TATDN3: variants seen among roughly 807,000 people sequenced by gnomAD.
TATDN3 encodes TatD DNase domain containing 3.
TATDN3 carries 29 observed loss-of-function variants against 40.1 expected under a neutral mutation model. That is an observed-to-expected ratio of 0.72 (90% CI 0.54 to 0.99). The LOEUF (loss-of-function observed/expected upper bound fraction) is 0.99, where lower values mean the gene tolerates loss of function less well. TATDN3 is among the 50% of genes least tolerant of loss of function. TATDN3 has a pLI of 0.00. For missense variants in TATDN3, 309 were observed against 321.9 expected, an observed-to-expected ratio of 0.96 and a Z score of 0.31; for synonymous variants, 105 against 117.0, an observed-to-expected ratio of 0.90 and a Z score of 0.66.
intron 1 of TATDN3, among the ~76,000 whole-genome samples, chr1:212,793,685 TAGAG>T (rs532076594): frequency 6.6e-6 from 1 of 152,126 alleles, no homozygotes; most frequent in African/African-American, 2.4e-5. Flanking sequence ...AGATACATTT[TAGAG>T]AGAGAATCCA....
At chr1:212,805,236 A>G (rs1253054341) in intron 7 of TATDN3, among the ~76,000 whole-genome samples, 1 of 150,170 alleles carries the variant, frequency 6.7e-6, no homozygotes, top group Non-Finnish European at 1.5e-5. Flanking sequence ...TGCTGAGATT[A>G]CAGGATGAGC....
At chr1:212,798,000 T>C (rs1452177182) in intron 4 of TATDN3, among the ~76,000 whole-genome samples, 1 of 152,150 alleles carries the variant, frequency 6.6e-6, no homozygotes, top group Non-Finnish European at 1.5e-5. Context: ...TTTTGTTACC[T>C]ATGAATAAAT....
intron 4 of TATDN3, among the ~76,000 whole-genome samples, chr1:212,802,361 C>G (rs1458052556): frequency 1.3e-5 from 2 of 152,148 alleles, no homozygotes; most frequent in African/African-American, 4.8e-5. Flanking sequence ...GAGATGACTC[C>G]CTGGTGGTTT....
chr1:212,805,519 G>A (rs191157515), intron 7 of TATDN3, among the ~76,000 whole-genome samples: 1 of 152,286 alleles, frequency 6.6e-6, no homozygotes. Context: ...GCCTCCCAAA[G>A]TGCTGGGATT....
chr1:212,802,448 C>T (rs1352120066), intron 4 of TATDN3, among the ~76,000 whole-genome samples: 1 of 152,140 alleles, frequency 6.6e-6, no homozygotes, highest in Non-Finnish European at 1.5e-5. Context: ...AACAGAAGGC[C>T]ATGTTTAAGT....
At position 212,807,820 on chromosome 1, in the gene TATDN3, T is replaced by A. The variant is rs1464449869; in HGVS notation, c.572T>A (p.Ile191Asn). 1 of 1,613,246 alleles carries A rather than the reference T, an allele frequency of 6.2e-7. No homozygotes were observed. The highest frequency in any genetic ancestry group is 8.5e-7 in the Non-Finnish European group (1 of 1,179,732). Residue 191 changes from isoleucine (I) to asparagine (N), a missense_variant, in exon 8 of 10, where the codon ATT becomes AAT. Ile to Asn is a moderately radical substitution (Grantham distance 149, BLOSUM62 -3). Coordinates refer to ENST00000366974, the MANE Select transcript of TATDN3 (RefSeq NM_001042552.3). ...GTAAGAGCTGGGTACTTCTTCTCAATTCCCCCTTCTATCATAAGAAGTGGA... is the reference window on the plus strand; with the variant it reads ...GTAAGAGCTGGGTACTTCTTCTCAAATCCCCCTTCTATCATAAGAAGTGGA... ...EGVRAGYFFS[I>N]PPSIIRSGQK...
chr1:212,803,567 T>C (rs555428837), intron 5 of TATDN3, among the ~76,000 whole-genome samples: 2 of 152,226 alleles, frequency 1.3e-5, no homozygotes, highest in African/African-American at 4.8e-5. Context: ...AAATTCAGAA[T>C]ATAGATTATA....
intron 1 of TATDN3, among the ~76,000 whole-genome samples, chr1:212,793,294 C>G (rs548095744): frequency 6.6e-6 from 1 of 152,092 alleles, no homozygotes; most frequent in African/African-American, 2.4e-5. Flanking sequence ...GTCATTGCAA[C>G]CTCCACCTCC....
rs71495077 is a variant in TATDN3, at chr1:212,806,747, C to CATATATAT, written c.488-959_488-952dup. On this transcript the variant is annotated intron_variant, in intron 7 of 9. Transcript: ENST00000366974. Reference sequence around the variant, plus strand: ...TTTATTCTCTCTCTCTCTCTCTCTCCATATATATATATATATATATATATA... The same window carrying CATATATAT: ...TTTATTCTCTCTCTCTCTCTCTCTCCATATATATATATATATATATATATATATATATA... Among the ~76,000 whole-genome samples the CATATATAT allele has an allele frequency of 7.8e-3, 341 of 43,952 alleles. 18 individuals carry two copies. The highest frequency in any genetic ancestry group is 0.024 in the Middle Eastern group (1 of 42). 28.8% of individuals were successfully genotyped at this position (43,952 alleles called of 152,430 possible).
At chr1:212,799,650 G>C (rs112339087) in intron 4 of TATDN3, among the ~76,000 whole-genome samples, 3,458 of 151,834 alleles carry the variant, frequency 0.023, 62 homozygotes, top group South Asian at 0.042. Context: ...TGATTCTCGT[G>C]CCTCAGCCTC....
At chr1:212,806,766 A>ATG (rs1662513188) in intron 7 of TATDN3, among the ~76,000 whole-genome samples, 2 of 114,852 alleles carry the variant, frequency 1.7e-5, no homozygotes, top group African/African-American at 6.2e-5. Context: ...ATATATATAT[A>ATG]TATATATATA....
rs117387657 is a variant in TATDN3 at position 212,806,003 on chromosome 1, T to C, written c.487+1352T>C. 1.7e-4 allele frequency among the ~76,000 whole-genome samples: 26 copies of C among 152,348 alleles called. No homozygotes were observed. The East Asian group carries it at 5.0e-3, about 29-fold the overall frequency. ...CTAAGTTGGTTTCATAACTCACTTA[T>C]GTTCAGAACCGTCTAATAGTCATTC... On this transcript the variant is annotated intron_variant, in intron 7 of 9. Coordinates refer to ENST00000366974, the MANE Select transcript of TATDN3 (RefSeq NM_001042552.3).
chr1:212,795,174 T>C lies in TATDN3; in HGVS notation c.99+47T>C. On this transcript the variant is annotated intron_variant, in intron 2 of 9. Coordinates refer to ENST00000366974, the MANE Select transcript of TATDN3 (RefSeq NM_001042552.3). ...CTCTTTTGGTTTTTTATTTTAACTATCATTTCAAGCCAAAACAGCTTGAAA... is the reference window on the plus strand; with the variant it reads ...CTCTTTTGGTTTTTTATTTTAACTACCATTTCAAGCCAAAACAGCTTGAAA... 2.0e-6 allele frequency: 3 copies of C among 1,499,292 alleles called. No homozygotes were observed. The East Asian group carries it at 6.8e-5, about 34-fold the overall frequency. 92.9% of individuals were successfully genotyped at this position (1,499,292 alleles called of 1,614,324 possible). A position where few individuals can be genotyped will look rare whatever the true frequency, so the allele number is the denominator to read the frequency against.
intron 1 of TATDN3, 38 bp from the exon 2 acceptor site, chr1:212,795,057 T>G (rs762349534): frequency 1.3e-6 from 2 of 1,558,268 alleles, no homozygotes; most frequent in African/African-American, 2.7e-5. Flanking sequence ...AGCTGCTTAT[T>G]CATCTAAAAT....
chr1:212,793,286 C>T (rs1661482414), intron 1 of TATDN3, among the ~76,000 whole-genome samples: 1 of 152,100 alleles, frequency 6.6e-6, no homozygotes, highest in South Asian at 2.1e-4. Context: ...GATCTCAGGT[C>T]ATTGCAACCT....
chr1:212,815,237 G>A lies in TATDN3; in HGVS notation c.*81G>A. The A allele has an allele frequency of 8.2e-6, 12 of 1,466,460 alleles. No individual in the cohort carries two copies. The highest frequency in any genetic ancestry group is 1.1e-5 in the Non-Finnish European group (12 of 1,096,404). The allele number at this position is 1,466,460 out of a possible 1,614,324, so 90.8% of individuals were successfully genotyped here. ...ATAGAAATGTTCTGATGAAGAATCTGAACTGAAGAAGCTGTTTTATAGGGT... is the reference window on the plus strand; with the variant it reads ...ATAGAAATGTTCTGATGAAGAATCTAAACTGAAGAAGCTGTTTTATAGGGT... On this transcript the variant is annotated 3_prime_UTR_variant, in exon 10 of 10. Transcript: ENST00000366974.
At position 212,796,529 on chromosome 1, in the gene TATDN3, G is replaced by C. The variant is rs376271458; in HGVS notation, c.112G>C (p.Ala38Pro). ...LEKAKKANVV[A>P]LVAVAEHSGE... ...TTTTTTTTTTCAGGCCAATGTTGTG[G>C]CCCTTGTGGCAGTTGCCGAACATTC... The change falls in exon 3 of 10, where the codon GCC becomes CCC. Residue 38 changes from alanine to proline, a missense_variant. By Grantham distance (27) the Ala-to-Pro change is conservative. Coordinates refer to ENST00000366974, the MANE Select transcript of TATDN3 (RefSeq NM_001042552.3). 1.3e-6 allele frequency: 2 copies of C among 1,548,238 alleles called. No homozygotes were observed. The highest frequency in any genetic ancestry group is 2.6e-5 in the South Asian group (2 of 77,714).
At chr1:212,806,444 C>T (rs1245270467) in intron 7 of TATDN3, among the ~76,000 whole-genome samples, 3 of 143,836 alleles carry the variant, frequency 2.1e-5, no homozygotes, top group African/African-American at 7.7e-5. Context: ...GATCTCTGCT[C>T]ACTGCAACCT....
chr1:212,794,820 C>T (rs532837005), intron 1 of TATDN3: 428 of 575,842 alleles, frequency 7.4e-4, no homozygotes, highest in Non-Finnish European at 1.0e-3. Context: ...TGAGGGATTC[C>T]GAATGCTGCT....
Sources: gnomAD v4.1 joint callset for allele counts (sites outside exome capture counted in the v4.1 genomes callset) on GRCh38, gnomAD v4.1.1 for gene constraint, MANE v1.5 for transcripts, NCBI Gene and HGNC (gene_info 2026-07-23, HGNC 2026-07-21) for gene names.